BTBD1: variants seen among roughly 807,000 people sequenced by gnomAD.
The protein encoded by BTBD1 is BTB domain containing 1.
In BTBD1, 34 loss-of-function variants were observed where a neutral mutation model predicts 48.0. That is an observed-to-expected ratio of 0.71 (90% CI 0.54 to 0.94). The LOEUF (loss-of-function observed/expected upper bound fraction) is 0.94, where lower values mean the gene tolerates loss of function less well. Ranked by LOEUF, BTBD1 falls within the 40% of genes least tolerant of loss-of-function variation. BTBD1 has a pLI of 0.00. For missense variants in BTBD1, 543 were observed against 625.6 expected (o/e 0.87, Z 1.41); for synonymous variants, 261 against 242.1 (o/e 1.08, Z -0.72).
rs987101835 is a variant in BTBD1, at chr15:83,056,677, A to T, written c.402-132T>A. ...TTTTCATCCATCCATCCACCCACCC[A>T]CCCACCCACCCAGCCATCCATTCAT... On this transcript the variant is annotated intron_variant, in intron 1 of 7. Transcript: ENST00000261721. 4 of 508,386 alleles carry T rather than the reference A, an allele frequency of 7.9e-6. No homozygotes were observed. The African/African-American group carries it at 2.2e-4, about 28-fold the overall frequency. 31.5% of individuals were successfully genotyped at this position (508,386 alleles called of 1,614,324 possible). A position where few individuals can be genotyped will look rare whatever the true frequency, so the allele number is the denominator to read the frequency against.
intron 5 of BTBD1, among the ~76,000 whole-genome samples, chr15:83,025,821 G>C (rs1191071733): frequency 1.3e-5 from 2 of 151,976 alleles, no homozygotes; most frequent in East Asian, 3.9e-4. Context: ...CCAGCCTGGA[G>C]TGCAGTGGCG....
In BTBD1 at chr15:83,018,709, T is replaced by G. The variant is rs1438734433; in HGVS notation, c.1288A>C (p.Lys430Gln). Reference protein sequence around the residue: ...NVCYTACATLKGPDSHYGTKG... With the variant: ...NVCYTACATLQGPDSHYGTKG... The stretch of plus-strand genomic sequence containing the variant: ...GGAACATAGTGCATGACTCTTACTT[T>G]GAGTGTTGCACATGCTGTGTAGCAC... Residue 430 changes from lysine (K) to glutamine (Q), a missense_variant and splice_region_variant, in exon 7 of 8, where the codon AAA becomes CAA. Transcript: ENST00000261721. The G allele has an allele frequency of 3.1e-6, 5 of 1,613,586 alleles. No individual in the cohort carries two copies. The African/African-American group carries it at 4.0e-5, about 13-fold the overall frequency.
chr15:83,039,676 G>A lies in BTBD1; in HGVS notation c.862+2052C>T, dbSNP rs184978646. Among the ~76,000 whole-genome samples the A allele has an allele frequency of 1.5e-4, 23 of 151,730 alleles. No individual in the cohort carries two copies. In the East Asian group the frequency reaches 4.3e-3, roughly 28 times the overall value. ...GTATGTAGTCCCAGTTACTCAGGAG[G>A]CTGAGGTGGGAGAATTGCCTGAACC... On this transcript the variant is annotated intron_variant, in intron 4 of 7. Coordinates refer to ENST00000261721, the MANE Select transcript of BTBD1 (RefSeq NM_025238.4).
rs199578481 is a variant in BTBD1, at chr15:83,018,690, T to C, written c.1290+17A>G. 1,638 of 1,610,906 alleles carry C rather than the reference T, an allele frequency of 1.0e-3. 6 individuals carry two copies. Among genetic ancestry groups the C allele is most frequent in the Admixed American group, 4.0e-3 (236 of 59,470 alleles). On this transcript the variant is annotated intron_variant, in intron 7 of 7. Coordinates refer to ENST00000261721, the MANE Select transcript of BTBD1 (RefSeq NM_025238.4). ...ATTCAAGAGGAAACCATCTGGAACA[T>C]AGTGCATGACTCTTACTTTGAGTGT...
intron 2 of BTBD1, among the ~76,000 whole-genome samples, chr15:83,054,838 G>T (rs1337551821): frequency 6.6e-6 from 1 of 152,122 alleles, no homozygotes; most frequent in African/African-American, 2.4e-5. Flanking sequence ...GGGATTACAG[G>T]CATGAGCCAC....
chr15:83,018,265 A>G, intron 7 of BTBD1, 40 bp from the exon 8 acceptor site: 1 of 1,456,698 alleles, frequency 6.9e-7, no homozygotes, highest in East Asian at 2.4e-5. Flanking sequence ...TTTTCATTTA[A>G]TAAGCACTCA....
chr15:83,050,811 T>G (rs74507105), intron 2 of BTBD1, among the ~76,000 whole-genome samples: 1,597 of 152,214 alleles, frequency 0.01, 25 homozygotes, highest in African/African-American at 0.037. Flanking sequence ...AAAATTCACA[T>G]GACGGAATAT....
chr15:83,066,597 C>T (rs528902196), intron 1 of BTBD1, among the ~76,000 whole-genome samples, 154 bp downstream of exon 1: 2 of 152,236 alleles, frequency 1.3e-5, no homozygotes, highest in African/African-American at 4.8e-5. Flanking sequence ...CCCTCCGGAG[C>T]ATCAACGGCT....
intron 1 of BTBD1, 24 bp from the exon 2 acceptor site, chr15:83,056,569 C>T (rs1292646396): frequency 6.3e-7 from 1 of 1,598,470 alleles, no homozygotes; most frequent in South Asian, 1.1e-5. Context: ...GGCATATTTG[C>T]AGAGATGGTC....
At position 83,066,888 on chromosome 15, in the gene BTBD1, C is replaced by G; in HGVS notation, c.264G>C (p.Gln88His). 6.6e-7 allele frequency: 1 copy of G among 1,507,604 alleles called. No homozygotes were observed. Among genetic ancestry groups the G allele is most frequent in the Non-Finnish European group, 8.8e-7 (1 of 1,132,198 alleles). The allele number at this position is 1,507,604 out of a possible 1,614,324, so 93.4% of individuals were successfully genotyped here. The change falls in exon 1 of 8, where the codon CAG (glutamine) becomes CAC (histidine). Residue 88 changes from glutamine to histidine, a missense_variant. Transcript: ENST00000261721. The part of the protein sequence containing the change: ...GRGAAAAGGP[Q>H]RIPAHRFVLA... ...GCACGAAGCGGTGGGCGGGGATGCG[C>G]TGCGGGCCCCCAGCGGCGGCGGCGC...
At chr15:83,063,833 T>TCC (rs2033215582) in intron 1 of BTBD1, among the ~76,000 whole-genome samples, 3 of 152,254 alleles carry the variant, frequency 2.0e-5, no homozygotes, top group African/African-American at 7.2e-5. Flanking sequence ...AACAATGCGT[T>TCC]CCCTTGCTGA....
chr15:83,039,818 C>A (rs1303972496), intron 4 of BTBD1, among the ~76,000 whole-genome samples: 1 of 149,346 alleles, frequency 6.7e-6, no homozygotes, highest in African/African-American at 2.5e-5. Context: ...CCCAAAAAAA[C>A]CAAAAAACAT....
At chr15:83,048,791 G>A (rs547377387) in intron 3 of BTBD1, among the ~76,000 whole-genome samples, 2 of 152,298 alleles carry the variant, frequency 1.3e-5, no homozygotes, top group African/African-American at 4.8e-5. Flanking sequence ...AAGACTCAAA[G>A]CACTTCTAAA....
chr15:83,056,494 A>C lies in BTBD1; in HGVS notation c.453T>G (p.Thr151=). ...VQIGPETVMT[T]LYTAKKYAVP... The stretch of plus-strand genomic sequence containing the variant: ...CTGCGTATTTCTTGGCAGTATAAAG[A>C]GTGGTCATAACTGTTTCTGGACCAA... Residue 151 remains threonine (T), a synonymous_variant, in exon 2 of 8, where the codon ACT becomes ACG. Coordinates refer to ENST00000261721, the MANE Select transcript of BTBD1 (RefSeq NM_025238.4). 1 of 1,613,588 alleles carries C rather than the reference A, an allele frequency of 6.2e-7. No individual in the cohort carries two copies. The highest frequency in any genetic ancestry group is 8.5e-7 in the Non-Finnish European group (1 of 1,179,542).
At chr15:83,052,281 T>C (rs1333476902) in intron 2 of BTBD1, among the ~76,000 whole-genome samples, 4 of 152,180 alleles carry the variant, frequency 2.6e-5, no homozygotes, top group East Asian at 1.9e-4. Flanking sequence ...GGTTTCACCA[T>C]GTTGTGCAGG....
intron 4 of BTBD1, among the ~76,000 whole-genome samples, chr15:83,031,835 C>G (rs528549668): frequency 5.9e-5 from 9 of 151,622 alleles, no homozygotes; most frequent in Non-Finnish European, 1.2e-4. Flanking sequence ...ATGCTCATCA[C>G]TGATTATCAT....
chr15:83,024,335 T>C (rs181561911), intron 5 of BTBD1: 3 of 152,380 alleles, frequency 2.0e-5, no homozygotes, highest in Admixed American at 6.5e-5. Flanking sequence ...ATAGAGATGA[T>C]AGTTATTTAT....
chr15:83,062,092 G>C (rs138319520), intron 1 of BTBD1, among the ~76,000 whole-genome samples: 1 of 152,316 alleles, frequency 6.6e-6, no homozygotes, highest in East Asian at 1.9e-4. Context: ...AATTAGGGTT[G>C]AAACACTGAG....
At chr15:83,055,614 G>A (rs1356250256) in intron 2 of BTBD1, among the ~76,000 whole-genome samples, 2 of 152,170 alleles carry the variant, frequency 1.3e-5, no homozygotes, top group Non-Finnish European at 2.9e-5. Flanking sequence ...AAAAATGTCA[G>A]AAAAAGAATA....
Sources: allele counts gnomAD v4.1 joint callset (sites outside exome capture counted in the v4.1 genomes callset), GRCh38; gene constraint gnomAD v4.1.1; transcripts MANE v1.5; gene names NCBI Gene and HGNC (gene_info 2026-07-23, HGNC 2026-07-21).